Variants in NLGN1 observed in about 807,000 individuals in gnomAD.
The protein encoded by NLGN1 is neuroligin-1.
Under a neutral mutation model 65.5 loss-of-function variants are expected in NLGN1, and 12 were observed. The observed-to-expected ratio is 0.18, with a 90% CI of 0.12 to 0.30. NLGN1 has a LOEUF of 0.30. NLGN1 is among the 10% of genes least tolerant of loss of function. The pLI, the probability that NLGN1 is intolerant of heterozygous loss-of-function variation, is 1.00. For missense variants in NLGN1, 750 were observed against 1,007.1 expected (o/e 0.74, Z 3.46); for synonymous variants, 350 against 359.5 (o/e 0.97, Z 0.30).
In NLGN1 at chr3:173,823,396, T is replaced by C. The variant is rs556756039; in HGVS notation, c.646+15564T>C. Among the ~76,000 whole-genome samples, 217 of 152,202 alleles carry C rather than the reference T, an allele frequency of 1.4e-3. 1 individual carries two copies. The highest frequency in any genetic ancestry group is 3.4e-3 in the Middle Eastern group (1 of 294). On this transcript the variant is annotated intron_variant, in intron 4 of 6. Transcript: ENST00000457714. ...CGTTCAAACTAATATATCCAAAATA[T>C]TATCATTTCTAAATGAAGTCAACAT... is the stretch of plus-strand genomic sequence containing the variant.
At chr3:174,169,719 A>T (rs994457271) in intron 4 of NLGN1, among the ~76,000 whole-genome samples, 1 of 152,090 alleles carries the variant, frequency 6.6e-6, no homozygotes, top group African/African-American at 2.4e-5. Context: ...GATCAGTTCC[A>T]GGTCACTAAG....
intron 3 of NLGN1, among the ~76,000 whole-genome samples, chr3:173,778,549 AT>A (rs1294438596): frequency 2.6e-5 from 4 of 151,874 alleles, no homozygotes; most frequent in African/African-American, 7.2e-5. Flanking sequence ...TTAAAAATGA[AT>A]TTTTGCCATT....
At chr3:173,925,419 A>G (rs1262378042) in intron 4 of NLGN1, among the ~76,000 whole-genome samples, 3 of 152,162 alleles carry the variant, frequency 2.0e-5, no homozygotes, top group Non-Finnish European at 4.4e-5. Flanking sequence ...AGAAGAATAT[A>G]CCACTGCAGC....
In NLGN1 at chr3:174,280,771, C is replaced by T. The variant is rs200936288; in HGVS notation, c.1940C>T (p.Thr647Met). 62 of 1,613,254 alleles carry T rather than the reference C, an allele frequency of 3.8e-5. No homozygotes were observed. The highest frequency in any genetic ancestry group is 6.7e-5 in the Admixed American group (4 of 59,916). The change falls in exon 7 of 7, where the codon ACG (threonine) becomes ATG (methionine). Residue 647 changes from threonine (T) to methionine (M), a missense_variant. Coordinates refer to ENST00000457714, the Ensembl canonical transcript of NLGN1. The surrounding 1 kb of genome is among the most constrained non-coding windows in gnomAD (Gnocchi z 4.9). ...ACGAGAAAAAATTCTGTACCTGTCA[C>T]GTCAGCCTTTCCCACTGCCAAGCAG...
At position 174,148,721 on chromosome 3, in the gene NLGN1, G is replaced by C. The variant is rs779820340; in HGVS notation, c.647-126594G>C. 3.5e-4 allele frequency among the ~76,000 whole-genome samples: 53 copies of C among 152,126 alleles called. No homozygotes were observed. In the Middle Eastern group the frequency reaches 0.014, roughly 39 times the overall value. On this transcript the variant is annotated intron_variant, in intron 4 of 6. Transcript: ENST00000457714. ...AAATCAAAAATAGTTGGCCATTAAGGCTCTATAATAACTATTTGTGTGATT... is the reference window on the plus strand; with the variant it reads ...AAATCAAAAATAGTTGGCCATTAAGCCTCTATAATAACTATTTGTGTGATT...
At chr3:173,744,949 G>C (rs777413499) in intron 3 of NLGN1, among the ~76,000 whole-genome samples, 2 of 151,980 alleles carry the variant, frequency 1.3e-5, no homozygotes, top group Admixed American at 1.3e-4. Context: ...GTCAACTTCA[G>C]TTGTTCCCAA....
At chr3:174,166,627 G>A (rs938805920) in intron 4 of NLGN1, among the ~76,000 whole-genome samples, 6 of 151,838 alleles carry the variant, frequency 4.0e-5, no homozygotes, top group East Asian at 1.9e-4. Flanking sequence ...GAGTATTTTC[G>A]GTGTGCAGAT....
chr3:173,601,245 A>G (rs1750497344), intron 2 of NLGN1, among the ~76,000 whole-genome samples: 1 of 152,018 alleles, frequency 6.6e-6, no homozygotes, highest in Non-Finnish European at 1.5e-5. Context: ...TTTCAAACAT[A>G]CAAAAGAATA....
intron 3 of NLGN1, among the ~76,000 whole-genome samples, chr3:173,736,225 C>T (rs886226930): frequency 6.6e-5 from 10 of 151,994 alleles, no homozygotes; most frequent in East Asian, 3.9e-4. Context: ...TTCTACCTAC[C>T]TTCTTTTCTT....
intron 3 of NLGN1, among the ~76,000 whole-genome samples, chr3:173,744,324 T>G (rs1297939620): frequency 2.6e-5 from 4 of 152,096 alleles, no homozygotes. Flanking sequence ...TACACAACAT[T>G]TATTGAATGC....
At chr3:173,955,818 G>A (rs186114897) in intron 4 of NLGN1, among the ~76,000 whole-genome samples, 164 of 152,012 alleles carry the variant, frequency 1.1e-3, no homozygotes, top group Non-Finnish European at 1.8e-3. Context: ...AAGGACCTTG[G>A]AAATTTCTAT....
intron 1 of NLGN1, among the ~76,000 whole-genome samples, chr3:173,428,797 A>G (rs1322537955): frequency 1.3e-5 from 2 of 151,892 alleles, no homozygotes; most frequent in Non-Finnish European, 2.9e-5. Context: ...CATATTGAAT[A>G]ACTCCCTTTA....
intron 4 of NLGN1, among the ~76,000 whole-genome samples, chr3:174,012,074 G>A (rs919633795): frequency 1.3e-5 from 2 of 152,160 alleles, no homozygotes; most frequent in African/African-American, 4.8e-5. Flanking sequence ...TAAGCTCAGA[G>A]AAATGGCTCA....
chr3:173,753,739 C>T (rs971376898), intron 3 of NLGN1, among the ~76,000 whole-genome samples: 2 of 151,918 alleles, frequency 1.3e-5, no homozygotes, highest in Non-Finnish European at 2.9e-5. Context: ...CCAAAGTCTA[C>T]ACAGTGGCCT....
intron 3 of NLGN1, among the ~76,000 whole-genome samples, chr3:173,748,323 A>G (rs1288903416): frequency 1.3e-5 from 2 of 152,080 alleles, no homozygotes; most frequent in Admixed American, 1.3e-4. Flanking sequence ...GCAGAACATT[A>G]CATCTGAACA....
At chr3:174,188,920 A>C (rs1731889780) in intron 4 of NLGN1, among the ~76,000 whole-genome samples, 1 of 151,930 alleles carries the variant, frequency 6.6e-6, no homozygotes, top group African/African-American at 2.4e-5. Context: ...ATGGTAATTA[A>C]GTGTTTTGGT....
At chr3:174,143,936 C>A (rs1050212259) in intron 4 of NLGN1, among the ~76,000 whole-genome samples, 2 of 151,940 alleles carry the variant, frequency 1.3e-5, no homozygotes, top group African/African-American at 4.8e-5. Context: ...TATTATTATA[C>A]TTTAAGCTCT....
At chr3:174,041,323 T>G (rs1274250425) in intron 4 of NLGN1, among the ~76,000 whole-genome samples, 3 of 152,192 alleles carry the variant, frequency 2.0e-5, no homozygotes, top group African/African-American at 7.2e-5. Flanking sequence ...GTATTTTTTC[T>G]TTTCATTGTT....
intron 4 of NLGN1, among the ~76,000 whole-genome samples, chr3:173,821,497 A>G (rs563211786): frequency 5.1e-4 from 77 of 152,156 alleles, no homozygotes; most frequent in Non-Finnish European, 6.8e-4. Context: ...TTCTTTTTTA[A>G]TACAAATAAA....
Sources: gnomAD v4.1 joint callset for allele counts (sites outside exome capture counted in the v4.1 genomes callset) on GRCh38, gnomAD v4.1.1 for gene constraint, Gnocchi (gnomAD v3.1) non-coding constraint, MANE v1.5 for transcripts, NCBI Gene and HGNC (gene_info 2026-07-23, HGNC 2026-07-21) for gene names.